Variants in CBR4 observed in about 807,000 individuals in gnomAD.
CBR4 encodes 3-oxoacyl-[acyl-carrier-protein] reductase.
In CBR4, 22 loss-of-function variants were observed where a neutral mutation model predicts 21.0. The ratio of observed to expected loss-of-function variants is 1.05; its 90% CI spans 0.75 to 1.50. The LOEUF (loss-of-function observed/expected upper bound fraction) is 1.50. Ranked by LOEUF, CBR4 falls within the 40% of genes most tolerant of loss-of-function variation. The pLI, the probability that CBR4 is intolerant of heterozygous loss-of-function variation, is 0.00. For missense variants in CBR4, 302 were observed against 286.3 expected, an observed-to-expected ratio of 1.05 and a Z score of -0.40; for synonymous variants, 100 against 104.4, an observed-to-expected ratio of 0.96 and a Z score of 0.26.
Position 168,924,329 on chromosome 4 carries a change from C to T in CBR4, n.170-29564G>A, listed in dbSNP as rs753881003. 6 of 1,613,692 alleles carry T rather than the reference C, an allele frequency of 3.7e-6. No homozygotes were observed. The highest frequency in any genetic ancestry group is 5.1e-6 in the Non-Finnish European group (6 of 1,179,704). On this transcript the variant is annotated intron_variant and non_coding_transcript_variant, in intron 2 of 3. Transcript: ENST00000509108. ...AGGAGTTGCTGATGGGTACCCAGTG[C>T]GGCTGGAATGTCGTGTATTGGGAGT...
At chr4:168,927,374 A>C (rs980263210) in intron 2 of CBR4, 4 of 232,770 alleles carry the variant, frequency 1.7e-5, no homozygotes, top group Non-Finnish European at 3.4e-5. Context: ...ACCCAGGGCC[A>C]GCTGGAAGTG....
chr4:169,008,312 C>T (rs909220869), intron 1 of CBR4, among the ~76,000 whole-genome samples: 16 of 151,810 alleles, frequency 1.1e-4, no homozygotes, highest in African/African-American at 3.9e-4. Context: ...AAACTACAAA[C>T]CACGGGGGGA....
intron 2 of CBR4, chr4:168,896,416 G>A: frequency 3.0e-6 from 2 of 656,464 alleles, no homozygotes; most frequent in South Asian, 1.7e-5. Flanking sequence ...ATGGTTGTGT[G>A]AGTACTCACA....
chr4:168,907,607 G>C (rs971705515), intron 2 of CBR4, among the ~76,000 whole-genome samples: 1 of 152,186 alleles, frequency 6.6e-6, no homozygotes, highest in Non-Finnish European at 1.5e-5. Flanking sequence ...TCAGGGCCAA[G>C]AGAAGCCCCA....
At chr4:168,997,203 C>A (rs1476922631) in intron 4 of CBR4, among the ~76,000 whole-genome samples, 1 of 152,188 alleles carries the variant, frequency 6.6e-6, no homozygotes, top group Non-Finnish European at 1.5e-5. Context: ...TACTGCATCA[C>A]CTGGACAGTC....
chr4:168,979,242 T>C (rs911447725), intron 2 of CBR4, among the ~76,000 whole-genome samples: 1 of 150,930 alleles, frequency 6.6e-6, no homozygotes, highest in African/African-American at 2.4e-5. Context: ...TTCCCTAGGA[T>C]GGAGTTCCCA....
At chr4:168,965,646 G>A (rs1273596554) in intron 2 of CBR4, among the ~76,000 whole-genome samples, 1 of 152,200 alleles carries the variant, frequency 6.6e-6, no homozygotes, top group Admixed American at 6.5e-5. Flanking sequence ...AACAAGCAAC[G>A]AGGAAAGGAT....
intron 2 of CBR4, among the ~76,000 whole-genome samples, chr4:168,948,201 C>T (rs1454494073): frequency 6.6e-6 from 1 of 152,154 alleles, no homozygotes; most frequent in Non-Finnish European, 1.5e-5. Flanking sequence ...TATTCATGTC[C>T]TTAGCCCACT....
chr4:168,969,773 C>T (rs777300574), intron 2 of CBR4, among the ~76,000 whole-genome samples: 12 of 152,136 alleles, frequency 7.9e-5, no homozygotes, highest in Non-Finnish European at 1.5e-4. Context: ...AATTGTAGTC[C>T]ACAGACCAGT....
chr4:168,899,871 G>A (rs112123438), intron 2 of CBR4, among the ~76,000 whole-genome samples: 4,006 of 151,090 alleles, frequency 0.027, 78 homozygotes, highest in Non-Finnish European at 0.039. Context: ...GACCAAGATC[G>A]CGCCATTGCA....
intron 4 of CBR4, 36 bp downstream of exon 4, chr4:169,002,035 T>A (rs766286968): frequency 3.3e-6 from 5 of 1,502,962 alleles, no homozygotes; most frequent in South Asian, 1.3e-5. Flanking sequence ...AAAACAATAA[T>A]CATAATCAAG....
At chr4:169,009,076 A>C in intron 1 of CBR4, 1 of 447,750 alleles carries the variant, frequency 2.2e-6, no homozygotes, top group Non-Finnish European at 4.4e-6. Context: ...AAAAAAAAAA[A>C]ACCAGATACA....
chr4:168,969,038 C>T (rs1228368671), intron 2 of CBR4, among the ~76,000 whole-genome samples: 1 of 152,220 alleles, frequency 6.6e-6, no homozygotes, highest in Non-Finnish European at 1.5e-5. Flanking sequence ...ACCCCATCTC[C>T]ACATGCTCCC....
chr4:169,000,991 A>T (rs1217840453), intron 4 of CBR4, among the ~76,000 whole-genome samples: 12 of 152,052 alleles, frequency 7.9e-5, no homozygotes, highest in Admixed American at 7.9e-4. Context: ...TAATTTTTAT[A>T]GAGACAGGGT....
intron 2 of CBR4, among the ~76,000 whole-genome samples, chr4:168,972,906 G>A (rs1349690780): frequency 6.6e-6 from 1 of 152,188 alleles, no homozygotes; most frequent in Non-Finnish European, 1.5e-5. Context: ...AATGTTGGTT[G>A]TGAGCTTGTC....
chr4:169,010,186 AAAAG>A lies in CBR4; in HGVS notation c.-101_-98del. 2 of 1,163,420 alleles carry A rather than the reference AAAAG, an allele frequency of 1.7e-6. No individual in the cohort carries two copies. Among genetic ancestry groups the A allele is most frequent in the African/African-American group, 1.6e-5 (1 of 63,652 alleles). The allele number at this position is 1,163,420 out of a possible 1,614,324, so 72.1% of individuals were successfully genotyped here. A position where few individuals can be genotyped will look rare whatever the true frequency, so the allele number is the denominator to read the frequency against. On this transcript the variant is annotated 5_prime_UTR_variant, in exon 1 of 5. Transcript: ENST00000306193. ...AACAACCGCGGTTCCAAAAAAAAAA[AAAAG>A]AAAAAAAAAGGCAAACCGCAAAAAA...
chr4:168,918,046 A>G (rs1760575146), intron 2 of CBR4, among the ~76,000 whole-genome samples: 1 of 152,112 alleles, frequency 6.6e-6, no homozygotes, highest in Non-Finnish European at 1.5e-5. Context: ...TAAAAATGCT[A>G]AAATTAGCCA....
intron 2 of CBR4, among the ~76,000 whole-genome samples, chr4:168,910,831 T>G (rs771020678): frequency 1.3e-5 from 2 of 152,250 alleles, no homozygotes. Context: ...ATTCCAGGAT[T>G]AAGAGCACTA....
downstream of CBR4, among the ~76,000 whole-genome samples, chr4:168,983,735 G>T: frequency 6.6e-6 from 1 of 151,834 alleles, no homozygotes. Context: ...TTTATTCCTG[G>T]GATGCAAGGT....
Sources: gnomAD v4.1 joint callset for allele counts (sites outside exome capture counted in the v4.1 genomes callset) on GRCh38, gnomAD v4.1.1 for gene constraint, MANE v1.5 for transcripts, NCBI Gene and HGNC (gene_info 2026-07-23, HGNC 2026-07-21) for gene names.